Variants in CHIC2 observed in about 807,000 individuals in gnomAD.
The protein encoded by CHIC2 is cysteine rich hydrophobic domain 2, also known as cysteine-rich hydrophobic domain-containing protein 2.
In CHIC2, 14 loss-of-function variants were observed where a neutral mutation model predicts 25.9. The ratio of observed to expected loss-of-function variants is 0.54; its 90% CI spans 0.36 to 0.85. The LOEUF (loss-of-function observed/expected upper bound fraction) is 0.85. Ranked by LOEUF, CHIC2 falls within the 40% of genes least tolerant of loss-of-function variation. The pLI is 0.01. For synonymous variants in CHIC2, 70 were observed against 72.0 expected, an observed-to-expected ratio of 0.97 and a Z score of 0.14; for missense variants, 146 against 202.0, an observed-to-expected ratio of 0.72 and a Z score of 1.68.
At chr4:54,048,644 C>A (rs1481608481) in intron 3 of CHIC2, among the ~76,000 whole-genome samples, 1 of 152,006 alleles carries the variant, frequency 6.6e-6, no homozygotes, top group African/African-American at 2.4e-5. Context: ...CCTAAGGTCA[C>A]AGAGAAAAGT....
chr4:54,042,888 T>C (rs1039776750), intron 3 of CHIC2, among the ~76,000 whole-genome samples: 4 of 152,250 alleles, frequency 2.6e-5, no homozygotes, highest in Non-Finnish European at 4.4e-5. Context: ...AAATTTTTAG[T>C]AGGAATATAT....
intron 3 of CHIC2, among the ~76,000 whole-genome samples, chr4:54,038,038 G>A (rs1205892434): frequency 6.6e-6 from 1 of 152,028 alleles, no homozygotes; most frequent in Non-Finnish European, 1.5e-5. Context: ...AAAATCAATG[G>A]AAGTGAAAAC....
intron 3 of CHIC2, among the ~76,000 whole-genome samples, chr4:54,041,640 T>C (rs918856504): frequency 1.6e-4 from 25 of 152,144 alleles, no homozygotes; most frequent in African/African-American, 5.1e-4. Flanking sequence ...CACATTAAAG[T>C]TTTCTAGTAT....
chr4:54,058,250 C>T (rs1039469296), intron 1 of CHIC2, among the ~76,000 whole-genome samples: 10 of 152,174 alleles, frequency 6.6e-5, no homozygotes, highest in Admixed American at 1.3e-4. Context: ...TATTGAATGC[C>T]TATTAATTAG....
At chr4:54,011,051 G>A (rs1715571093) in intron 5 of CHIC2, among the ~76,000 whole-genome samples, 1 of 151,916 alleles carries the variant, frequency 6.6e-6, no homozygotes, top group African/African-American at 2.4e-5. Flanking sequence ...TCTTTCTTTT[G>A]CTCCAAATTT....
intron 3 of CHIC2, among the ~76,000 whole-genome samples, chr4:54,033,114 A>C (rs994661370): frequency 1.9e-4 from 29 of 152,352 alleles, no homozygotes; most frequent in African/African-American, 6.7e-4. Flanking sequence ...TGCCAGTGCC[A>C]TGCTTCTTGT....
the CHIC2 span, among the ~76,000 whole-genome samples, chr4:54,079,323 T>C: frequency 6.6e-6 from 1 of 152,048 alleles, no homozygotes; most frequent in South Asian, 2.1e-4. Flanking sequence ...GAACAAAAAA[T>C]AGGGGAAAAT....
In CHIC2 at chr4:54,018,239, A is replaced by G. The variant is rs1026144110; in HGVS notation, c.331-4120T>C. Among the ~76,000 whole-genome samples the G allele has an allele frequency of 3.9e-5, 6 of 152,320 alleles. No homozygotes were observed. The East Asian group carries it at 5.8e-4, about 15-fold the overall frequency. ...CCAAAGAAGCATCTAAAGTAAGCTT[A>G]TAACAGCAAAGCACACATACACCTA... is the stretch of plus-strand genomic sequence containing the variant. On this transcript the variant is annotated intron_variant, in intron 3 of 5. Coordinates refer to ENST00000263921, the MANE Select transcript of CHIC2 (RefSeq NM_012110.4).
chr4:54,083,556 A>T, the CHIC2 span, among the ~76,000 whole-genome samples: 4 of 152,302 alleles, frequency 2.6e-5, no homozygotes, highest in Admixed American at 6.5e-5. Context: ...CTGAGCTAGA[A>T]ACCCAAGTCC....
chr4:54,036,576 C>T (rs181398351), intron 3 of CHIC2, among the ~76,000 whole-genome samples: 3 of 152,208 alleles, frequency 2.0e-5, no homozygotes, highest in East Asian at 1.9e-4. Context: ...TCACCTTCCA[C>T]GAGGCCCTAC....
intron 3 of CHIC2, among the ~76,000 whole-genome samples, chr4:54,034,978 C>G (rs1716339320): frequency 6.6e-6 from 1 of 152,120 alleles, no homozygotes; most frequent in African/African-American, 2.4e-5. Flanking sequence ...TTTTCTGCCA[C>G]TTTAGAGATT....
intron 1 of CHIC2, among the ~76,000 whole-genome samples, chr4:54,052,979 AT>A (rs1717053454): frequency 1.5e-5 from 2 of 136,096 alleles, no homozygotes; most frequent in Non-Finnish European, 2.9e-5. Flanking sequence ...TAAGAAAATT[AT>A]CTTATCTCAA....
chr4:54,077,418 G>T, the CHIC2 span, among the ~76,000 whole-genome samples: 11 of 152,232 alleles, frequency 7.2e-5, no homozygotes, highest in South Asian at 4.2e-4. Flanking sequence ...GAGCCATATT[G>T]CAGTGCAGTG....
At chr4:54,028,588 T>A (rs1716128746) in intron 3 of CHIC2, among the ~76,000 whole-genome samples, 1 of 152,240 alleles carries the variant, frequency 6.6e-6, no homozygotes, top group South Asian at 2.1e-4. Context: ...ATTTTCCACA[T>A]AGGGTGTTAT....
At chr4:54,086,105 A>G in the CHIC2 span, among the ~76,000 whole-genome samples, 1 of 152,016 alleles carries the variant, frequency 6.6e-6, no homozygotes, top group African/African-American at 2.4e-5. Context: ...TCAATCCTTC[A>G]TAAATTATTG....
Position 54,010,012 on chromosome 4 carries a change from T to C in CHIC2, c.*83A>G, listed in dbSNP as rs1715535916. On this transcript the variant is annotated 3_prime_UTR_variant, in exon 6 of 6. Transcript: ENST00000263921. ...ACCACACGATTCTGTAGAACCAATG[T>C]TATGTCACCACCAGGAGAGCACCAA... 4 of 890,956 alleles carry C rather than the reference T, an allele frequency of 4.5e-6. No homozygotes were observed. Among genetic ancestry groups the C allele is most frequent in the Middle Eastern group, 2.2e-4 (1 of 4,482 alleles). 55.2% of individuals were successfully genotyped at this position (890,956 alleles called of 1,614,324 possible).
intron 1 of CHIC2, among the ~76,000 whole-genome samples, chr4:54,057,883 A>C (rs1256318697): frequency 6.6e-6 from 1 of 152,200 alleles, no homozygotes; most frequent in Non-Finnish European, 1.5e-5. Flanking sequence ...CAGTTCTAAT[A>C]AGGCTGGTTG....
chr4:54,077,252 A>G, the CHIC2 span, among the ~76,000 whole-genome samples: 2 of 152,178 alleles, frequency 1.3e-5, no homozygotes, highest in African/African-American at 4.8e-5. Context: ...CTTTTTTTCT[A>G]GAGAATGAAG....
rs549917026 is a variant in CHIC2, at chr4:54,009,947, G to A, written c.*148C>T. The A allele has an allele frequency of 2.0e-4, 100 of 509,788 alleles. 1 individual carries two copies. The highest frequency in any genetic ancestry group is 3.4e-4 in the South Asian group (10 of 29,446). The allele number at this position is 509,788 out of a possible 1,614,324, so 31.6% of individuals were successfully genotyped here. The stretch of plus-strand genomic sequence containing the variant: ...ACAAAAATGCACACTTAGAACATGC[G>A]GTTATTTAAAAAAAAAACAAAAACA... On this transcript the variant is annotated 3_prime_UTR_variant, in exon 6 of 6. Transcript: ENST00000263921.
Sources: allele counts gnomAD v4.1 joint callset (sites outside exome capture counted in the v4.1 genomes callset), GRCh38; gene constraint gnomAD v4.1.1; transcripts MANE v1.5; gene names NCBI Gene and HGNC (gene_info 2026-07-23, HGNC 2026-07-21).